Variants in PTGER3 observed in about 807,000 individuals in gnomAD.
The protein encoded by PTGER3 is prostaglandin E receptor 3.
PTGER3 carries 22 observed loss-of-function variants against 34.7 expected under a neutral mutation model. The observed-to-expected ratio is 0.63, with a 90% confidence interval of 0.45 to 0.91. The LOEUF is 0.91. Ranked by LOEUF, PTGER3 falls within the 40% of genes least tolerant of loss-of-function variation. The pLI, the probability that PTGER3 is intolerant of heterozygous loss-of-function variation, is 0.00. For missense variants in PTGER3, 468 were observed against 519.4 expected, an observed-to-expected ratio of 0.90 and a Z score of 0.96; for synonymous variants, 241 against 230.1, an observed-to-expected ratio of 1.05 and a Z score of -0.43.
At chr1:70,976,141 G>A (rs1171683001) in intron 2 of PTGER3, among the ~76,000 whole-genome samples, 1 of 152,048 alleles carries the variant, frequency 6.6e-6, no homozygotes, top group East Asian at 1.9e-4. Flanking sequence ...TAAAGTAAGA[G>A]GCACTGCAAG....
intron 4 of PTGER3, among the ~76,000 whole-genome samples, chr1:70,879,818 A>G (rs1646350596): frequency 6.6e-6 from 1 of 152,114 alleles, no homozygotes; most frequent in African/African-American, 2.4e-5. Context: ...ATGTGTGGCC[A>G]GGTGCAGTAG....
At chr1:70,872,640 T>C (rs1646187202) in intron 4 of PTGER3, among the ~76,000 whole-genome samples, 1 of 152,230 alleles carries the variant, frequency 6.6e-6, no homozygotes, top group Non-Finnish European at 1.5e-5. Context: ...CGCCAAGGTT[T>C]GTGTAGCATA....
At chr1:71,002,626 G>C (rs146184942) in intron 2 of PTGER3, among the ~76,000 whole-genome samples, 2 of 152,164 alleles carry the variant, frequency 1.3e-5, no homozygotes, top group Non-Finnish European at 2.9e-5. Context: ...AGAAAATCTC[G>C]GACAGGGATA....
At chr1:70,982,931 A>G (rs9425051) in intron 2 of PTGER3, among the ~76,000 whole-genome samples, 14,578 of 152,152 alleles carry the variant, frequency 0.096, 800 homozygotes, top group Middle Eastern at 0.18. Context: ...TACCCCATAA[A>G]TACAGAACAT....
At chr1:71,044,582 A>C (rs1237601831) in intron 1 of PTGER3, among the ~76,000 whole-genome samples, 11 of 152,314 alleles carry the variant, frequency 7.2e-5, no homozygotes, top group Non-Finnish European at 1.6e-4. Context: ...ATTGAAATTA[A>C]GTAAGACTAG....
intron 2 of PTGER3, among the ~76,000 whole-genome samples, chr1:71,005,627 A>G (rs1210697532): frequency 6.6e-6 from 1 of 152,146 alleles, no homozygotes; most frequent in Non-Finnish European, 1.5e-5. Flanking sequence ...TATGCAATAA[A>G]TATATGTTGA....
chr1:71,043,313 C>T (rs1003268224), intron 1 of PTGER3, among the ~76,000 whole-genome samples: 4 of 152,168 alleles, frequency 2.6e-5, no homozygotes, highest in Admixed American at 1.3e-4. Context: ...TCCCACTGTA[C>T]TCTCTTAATT....
At chr1:70,946,206 T>C (rs1650213230) in intron 4 of PTGER3, among the ~76,000 whole-genome samples, 1 of 152,004 alleles carries the variant, frequency 6.6e-6, no homozygotes, top group South Asian at 2.1e-4. Context: ...TTTTATGAAT[T>C]TACCCAAGTT....
intron 4 of PTGER3, among the ~76,000 whole-genome samples, chr1:70,935,331 A>C (rs1445100849): frequency 2.0e-5 from 3 of 152,150 alleles, no homozygotes; most frequent in Non-Finnish European, 4.4e-5. Flanking sequence ...TATTATTTAG[A>C]CTAAGCAGAG....
At chr1:70,928,672 G>T (rs1228345251) in intron 4 of PTGER3, among the ~76,000 whole-genome samples, 3 of 151,934 alleles carry the variant, frequency 2.0e-5, no homozygotes, top group Non-Finnish European at 4.4e-5. Context: ...ATGCGCAAGA[G>T]ACTTTCTATT....
intron 1 of PTGER3, among the ~76,000 whole-genome samples, chr1:71,031,991 C>T (rs1400965638): frequency 4.6e-5 from 7 of 152,080 alleles, no homozygotes; most frequent in Non-Finnish European, 1.0e-4. Context: ...CAGGCAAATC[C>T]CTAGTCTATT....
intron 4 of PTGER3, among the ~76,000 whole-genome samples, chr1:70,872,833 A>G (rs185561639): frequency 4.9e-4 from 74 of 152,352 alleles, no homozygotes; most frequent in Admixed American, 9.2e-4. Flanking sequence ...GGAGTGCCAC[A>G]TCATCTGAGA....
At chr1:71,012,189 T>C (rs780396378) in intron 2 of PTGER3, 116 bp downstream of exon 2, 9 of 1,596,632 alleles carry the variant, frequency 5.6e-6, no homozygotes, top group South Asian at 1.1e-5. Context: ...CCAAAAGCTG[T>C]GCACATGCAA....
At chr1:70,919,980 T>C (rs1647369023) in intron 4 of PTGER3, among the ~76,000 whole-genome samples, 1 of 152,166 alleles carries the variant, frequency 6.6e-6, no homozygotes. Flanking sequence ...CAATTATAAA[T>C]GAGCTCTGGG....
chr1:70,898,273 T>C (rs17131486), intron 4 of PTGER3, among the ~76,000 whole-genome samples: 13,152 of 152,136 alleles, frequency 0.086, 1,039 homozygotes, highest in East Asian at 0.23. Context: ...TCCATCTTGG[T>C]CTTCCTGTTT....
At chr1:70,991,462 A>T (rs1161567244) in intron 2 of PTGER3, among the ~76,000 whole-genome samples, 2 of 152,104 alleles carry the variant, frequency 1.3e-5, no homozygotes, top group Admixed American at 1.3e-4. Flanking sequence ...ACTAGGGTAT[A>T]GAGAATATAT....
chr1:70,996,638 TTTTTA>T (rs1299618317), intron 2 of PTGER3, among the ~76,000 whole-genome samples: 2,227 of 86,896 alleles, frequency 0.026, 66 homozygotes, highest in African/African-American at 0.089. Flanking sequence ...TTTTTTTGTA[TTTTTA>T]TTTATTTATT....
intron 2 of PTGER3, among the ~76,000 whole-genome samples, chr1:70,981,885 A>G (rs937007374): frequency 1.3e-5 from 2 of 152,062 alleles, no homozygotes; most frequent in Non-Finnish European, 2.9e-5. Context: ...CAATTGACTC[A>G]TGGCCCTCCA....
intron 1 of PTGER3, among the ~76,000 whole-genome samples, chr1:71,040,285 G>A (rs890289136): frequency 6.6e-6 from 1 of 152,130 alleles, no homozygotes; most frequent in African/African-American, 2.4e-5. Context: ...GCCAGACCCT[G>A]TCTTCTGATT....
Sources: allele counts gnomAD v4.1 joint callset (sites outside exome capture counted in the v4.1 genomes callset), GRCh38; gene constraint gnomAD v4.1.1; transcripts MANE v1.5; gene names NCBI Gene and HGNC (gene_info 2026-07-23, HGNC 2026-07-21).